Variants in CCNT2 observed in about 807,000 individuals in gnomAD.
The protein encoded by CCNT2 is cyclin T2.
A neutral mutation model predicts 70.0 loss-of-function variants in CCNT2; 18 were observed. The observed-to-expected ratio is 0.26, with a 90% CI of 0.18 to 0.38. CCNT2 has a LOEUF of 0.38. CCNT2 is among the 10% of genes least tolerant of loss of function. The probability of loss-of-function intolerance (pLI) is 1.00; values close to 1 mark genes in which losing one functional copy is unlikely to be tolerated. For synonymous variants in CCNT2, 334 were observed against 313.3 expected, an observed-to-expected ratio of 1.07 and a Z score of -0.70; for missense variants, 734 against 890.2, an observed-to-expected ratio of 0.82 and a Z score of 2.23.
At position 134,954,810 on chromosome 2, in the gene CCNT2, G is replaced by A; in HGVS notation, c.*162G>A. On this transcript the variant is annotated 3_prime_UTR_variant, in exon 9 of 9. Transcript: ENST00000264157. ...TTCATTCTGAAAAGAAGAGATTATAGTAAACAAGTCTTTATCTCCACATAT... is the reference window on the plus strand; with the variant it reads ...TTCATTCTGAAAAGAAGAGATTATAATAAACAAGTCTTTATCTCCACATAT... 3.4e-6 allele frequency: 2 copies of A among 592,788 alleles called. No homozygotes were observed. Among genetic ancestry groups the A allele is most frequent in the East Asian group, 5.5e-5 (2 of 36,160 alleles). The allele number at this position is 592,788 out of a possible 1,614,324, so 36.7% of individuals were successfully genotyped here. A position where few individuals can be genotyped will look rare whatever the true frequency, so the allele number is the denominator to read the frequency against.
intron 7 of CCNT2, among the ~76,000 whole-genome samples, chr2:134,948,656 G>T (rs1443673808): frequency 6.6e-6 from 1 of 152,034 alleles, no homozygotes; most frequent in Admixed American, 6.6e-5. Context: ...CCAGAAATGG[G>T]AGATTCTTGG....
intron 5 of CCNT2, 30 bp downstream of exon 5, chr2:134,942,704 GTAT>G: frequency 1.3e-6 from 2 of 1,561,694 alleles, no homozygotes; most frequent in Non-Finnish European, 1.7e-6. Flanking sequence ...TTTAAGATAA[GTAT>G]TAATGCTTTT....
chr2:134,927,990 A>C (rs1027987366), intron 2 of CCNT2, among the ~76,000 whole-genome samples: 6 of 152,242 alleles, frequency 3.9e-5, no homozygotes, highest in African/African-American at 1.4e-4. Flanking sequence ...GAAATGGATG[A>C]GAACTGTAGA....
At chr2:134,938,930 A>G (rs1681360298) in intron 3 of CCNT2, 72 bp from the exon 4 acceptor site, 1 of 937,748 alleles carries the variant, frequency 1.1e-6, no homozygotes, top group East Asian at 2.6e-5. Flanking sequence ...AATTCTCACA[A>G]GATGTAACAG....
Position 134,953,950 on chromosome 2 carries a change from A to G in CCNT2, c.1495A>G (p.Lys499Glu). 6.2e-7 allele frequency: 1 copy of G among 1,614,118 alleles called. No homozygotes were observed. Residue 499 changes from lysine (K) to glutamate (E), a missense_variant, in exon 9 of 9, where the codon AAG (lysine) becomes GAG (glutamate). This residue lies in a region of CCNT2 where 532 missense variants were observed against 556.9 expected (regional missense o/e 0.96). Coordinates refer to ENST00000264157, the MANE Select transcript of CCNT2 (RefSeq NM_058241.3). ...ANTEKYMADK[K>E]EKSGSLKLRI... is the part of the protein sequence containing the mutation. Reference sequence around the variant, plus strand: ...TACTGAAAAATACATGGCAGACAAAAAGGAAAAGAGTGGGTCACTGAAATT... The same window carrying G: ...TACTGAAAAATACATGGCAGACAAAGAGGAAAAGAGTGGGTCACTGAAATT...
At chr2:134,933,100 A>G (rs1680903290) in intron 2 of CCNT2, among the ~76,000 whole-genome samples, 1 of 152,222 alleles carries the variant, frequency 6.6e-6, no homozygotes, top group East Asian at 1.9e-4. Context: ...TAAAGATGAA[A>G]CACAAGAACA....
intron 4 of CCNT2, among the ~76,000 whole-genome samples, chr2:134,939,769 CAT>C (rs1362980681): frequency 1.3e-5 from 2 of 152,080 alleles, no homozygotes; most frequent in African/African-American, 4.8e-5. Flanking sequence ...CCCGGCCTAT[CAT>C]ATGATTTTTA....
At chr2:134,951,984 AT>A (rs1682540537) in intron 7 of CCNT2, among the ~76,000 whole-genome samples, 1 of 152,108 alleles carries the variant, frequency 6.6e-6, no homozygotes, top group Non-Finnish European at 1.5e-5. Flanking sequence ...TGGTCATTTT[AT>A]ACAGTGTTCC....
At chr2:134,948,585 C>T (rs1028781449) in intron 7 of CCNT2, among the ~76,000 whole-genome samples, 3 of 151,988 alleles carry the variant, frequency 2.0e-5, no homozygotes, top group Admixed American at 2.0e-4. Context: ...TAATTAGGAA[C>T]GTGGAATTTT....
chr2:134,931,790 G>A (rs1680790278), intron 2 of CCNT2, among the ~76,000 whole-genome samples: 1 of 151,918 alleles, frequency 6.6e-6, no homozygotes, highest in African/African-American at 2.4e-5. Flanking sequence ...TTAAGAGAAG[G>A]GATCTCACTC....
rs1405989006 is a variant in CCNT2 at position 134,936,869 on chromosome 2, C to T, written c.269C>T (p.Ala90Val). 1 of 1,613,260 alleles carries T rather than the reference C, an allele frequency of 6.2e-7. No individual in the cohort carries two copies. Among genetic ancestry groups the T allele is most frequent in the Admixed American group, 1.7e-5 (1 of 59,976 alleles). The change falls in exon 3 of 9, where the codon GCT becomes GTT. Residue 90 changes from alanine (A) to valine (V), a missense_variant. This residue lies in a region of CCNT2 where 161 missense variants were observed against 303.8 expected (regional missense o/e 0.53). Transcript: ENST00000264157. ...ATATCGTCTACTGCATTATTTTTGG[C>T]TGCAAAAGTGGAAGAACAGGCTCGA... ...NIISSTALFL[A>V]AKVEEQARKL...
intron 8 of CCNT2, 83 bp from the exon 9 acceptor site, chr2:134,953,147 T>G: frequency 1.1e-6 from 1 of 916,476 alleles, no homozygotes; most frequent in South Asian, 1.9e-5. Flanking sequence ...ATAATGTTTT[T>G]AATATATAAC....
intron 2 of CCNT2, among the ~76,000 whole-genome samples, chr2:134,933,953 G>A (rs1680969173): frequency 6.6e-6 from 1 of 152,140 alleles, no homozygotes; most frequent in African/African-American, 2.4e-5. Flanking sequence ...AAATTGTCTA[G>A]GCTAGTCAGA....
At chr2:134,937,542 C>A (rs1345657865) in intron 3 of CCNT2, among the ~76,000 whole-genome samples, 2 of 152,036 alleles carry the variant, frequency 1.3e-5, no homozygotes, top group East Asian at 3.8e-4. Context: ...TTGTAATAGA[C>A]CTTATTTGAA....
At position 134,953,457 on chromosome 2, in the gene CCNT2, A is replaced by G. The variant is rs1682683185; in HGVS notation, c.1002A>G (p.Leu334=). The part of the protein sequence containing the change: ...DSHTSDNLSM[L]ATGMPSTSYG... ...ATACATCTGATAATTTGTCAATGCT[A>G]GCAACAGGAATGCCAAGTACTTCAT... The change falls in exon 9 of 9, where the codon CTA becomes CTG. Residue 334 remains leucine, a synonymous_variant. Coordinates refer to ENST00000264157, the MANE Select transcript of CCNT2 (RefSeq NM_058241.3). 6.2e-7 allele frequency: 1 copy of G among 1,613,958 alleles called. No individual in the cohort carries two copies. Among genetic ancestry groups the G allele is most frequent in the Non-Finnish European group, 8.5e-7 (1 of 1,179,862 alleles).
At chr2:134,929,919 G>A (rs1464024790) in intron 2 of CCNT2, among the ~76,000 whole-genome samples, 1 of 151,558 alleles carries the variant, frequency 6.6e-6, no homozygotes, top group East Asian at 2.0e-4. Flanking sequence ...CCAAAGTGCT[G>A]GGATTACAGG....
In CCNT2 at chr2:134,957,325, G is replaced by A. The variant is rs1682987360; in HGVS notation, c.*2677G>A. ...AGGTATGAAATTCCACATGTGCAAAGTACTGTTAAGGTGATAACATTTTTG... is the reference window on the plus strand; with the variant it reads ...AGGTATGAAATTCCACATGTGCAAAATACTGTTAAGGTGATAACATTTTTG... On this transcript the variant is annotated 3_prime_UTR_variant, in exon 9 of 9. Transcript: ENST00000264157. The A allele has an allele frequency of 1.3e-5, 2 of 152,048 alleles. No individual in the cohort carries two copies. The highest frequency in any genetic ancestry group is 2.1e-4 in the South Asian group (1 of 4,826). 9.4% of individuals were successfully genotyped at this position (152,048 alleles called of 1,614,324 possible). A position where few individuals can be genotyped will look rare whatever the true frequency, so the allele number is the denominator to read the frequency against.
At chr2:134,952,572 C>A in intron 7 of CCNT2, 69 bp from the exon 8 acceptor site, 1 of 874,018 alleles carries the variant, frequency 1.1e-6, no homozygotes, top group Non-Finnish European at 1.8e-6. Flanking sequence ...CTTTTTAATA[C>A]TGCCCACTTA....
At chr2:134,920,497 A>G (rs1204082282) in intron 2 of CCNT2, 1 of 152,182 alleles carries the variant, frequency 6.6e-6, no homozygotes, top group East Asian at 1.9e-4. Context: ...ATTATTAGTA[A>G]AATTTACACC....
Sources: allele counts gnomAD v4.1 joint callset (sites outside exome capture counted in the v4.1 genomes callset), GRCh38; gene constraint gnomAD v4.1.1; regional missense constraint gnomAD v4.1.1; transcripts MANE v1.5; gene names NCBI Gene and HGNC (gene_info 2026-07-23, HGNC 2026-07-21).